Variants in PRKN observed in about 807,000 individuals in gnomAD.
PRKN encodes the protein parkin RBR E3 ubiquitin protein ligase.
In PRKN, 56 loss-of-function variants were observed where a neutral mutation model predicts 59.5. The observed-to-expected ratio is 0.94, with a 90% CI of 0.76 to 1.18. The LOEUF is 1.18. PRKN is among the 50% of genes most tolerant of loss of function. The pLI is 0.00. For missense variants in PRKN, 657 were observed against 596.4 expected (o/e 1.10, Z -1.06); for synonymous variants, 250 against 222.1 (o/e 1.13, Z -1.12).
chr6:161,804,941 G>C (rs973811315), intron 6 of PRKN, among the ~76,000 whole-genome samples: 2 of 152,182 alleles, frequency 1.3e-5, no homozygotes, highest in Non-Finnish European at 2.9e-5. Context: ...AGATAAGAAA[G>C]TTGGACTATT....
At chr6:162,148,178 A>C (rs1227797941) in intron 4 of PRKN, among the ~76,000 whole-genome samples, 4 of 152,184 alleles carry the variant, frequency 2.6e-5, no homozygotes, top group Non-Finnish European at 5.9e-5. Context: ...AAAAAAATTT[A>C]TCTATAAGTA....
chr6:162,715,275 T>G (rs1168187627), intron 1 of PRKN, among the ~76,000 whole-genome samples: 1 of 152,210 alleles, frequency 6.6e-6, no homozygotes, highest in Non-Finnish European at 1.5e-5. Flanking sequence ...GACAAAGGTC[T>G]TCTCTCCTTT....
At chr6:162,624,785 T>C (rs994359942) in intron 1 of PRKN, among the ~76,000 whole-genome samples, 2 of 152,180 alleles carry the variant, frequency 1.3e-5, no homozygotes, top group African/African-American at 4.8e-5. Flanking sequence ...CCTCCCAAAG[T>C]GCTGGGATTA....
At position 161,414,127 on chromosome 6, in the gene PRKN, G is replaced by A. The variant is rs1473158904; in HGVS notation, c.1084-27250C>T. ...ATTCAGACTTCTCTCTTTCTTTGCT[G>A]CAAATGGCTCTCTGGAGCACAAACT... is the stretch of plus-strand genomic sequence containing the variant. On this transcript the variant is annotated intron_variant, in intron 9 of 11. Transcript: ENST00000366898. This position sits in a 1 kb window ranked among gnomAD's most constrained non-coding sequence, Gnocchi z 5.3. Among the ~76,000 whole-genome samples, 2 of 152,172 alleles carry A rather than the reference G, an allele frequency of 1.3e-5. No homozygotes were observed. Among genetic ancestry groups the A allele is most frequent in the African/African-American group, 4.8e-5 (2 of 41,412 alleles).
At chr6:161,364,811 G>A (rs1785127808) in intron 10 of PRKN, among the ~76,000 whole-genome samples, 2 of 151,848 alleles carry the variant, frequency 1.3e-5, no homozygotes, top group East Asian at 1.9e-4. Context: ...TGGGTGTGGT[G>A]CCCACACTAC....
At chr6:161,793,348 T>C (rs1237022345) in intron 6 of PRKN, among the ~76,000 whole-genome samples, 2 of 152,172 alleles carry the variant, frequency 1.3e-5, no homozygotes, top group Non-Finnish European at 2.9e-5. Context: ...TCTGCTCATG[T>C]TCTCCCTGTT....
intron 6 of PRKN, among the ~76,000 whole-genome samples, chr6:161,855,606 CAAT>C (rs10553219): frequency 0.5 from 75,266 of 151,586 alleles, 18,881 homozygotes; most frequent in East Asian, 0.75. Context: ...ATACTGACAA[CAAT>C]GTTATGCTAT....
chr6:161,365,915 C>G (rs1239446774), intron 10 of PRKN, among the ~76,000 whole-genome samples: 1 of 152,168 alleles, frequency 6.6e-6, no homozygotes, highest in South Asian at 2.1e-4. Flanking sequence ...GGGTTTGATC[C>G]TTAGACTGGA....
intron 1 of PRKN, among the ~76,000 whole-genome samples, chr6:162,626,038 G>A (rs1364196926): frequency 6.6e-6 from 1 of 152,076 alleles, no homozygotes; most frequent in East Asian, 1.9e-4. Flanking sequence ...GTAGAGACTA[G>A]GAAAATCCCC....
At chr6:161,767,698 GTATT>G (rs1365552973) in intron 7 of PRKN, among the ~76,000 whole-genome samples, 1 of 140,842 alleles carries the variant, frequency 7.1e-6, no homozygotes, top group Non-Finnish European at 1.5e-5. Flanking sequence ...GGCTGTTTAG[GTATT>G]TGTAACTATG....
At chr6:161,439,134 T>C (rs1583069048) in intron 9 of PRKN, among the ~76,000 whole-genome samples, 1 of 152,184 alleles carries the variant, frequency 6.6e-6, no homozygotes, top group East Asian at 1.9e-4. Context: ...GTCCCAGGTG[T>C]AACCCGGAGG....
At chr6:162,583,812 C>A (rs1291070044) in intron 1 of PRKN, among the ~76,000 whole-genome samples, 1 of 152,134 alleles carries the variant, frequency 6.6e-6, no homozygotes, top group Non-Finnish European at 1.5e-5. Flanking sequence ...ATAAAACAAC[C>A]CTCAGAAAAG....
At chr6:161,810,707 ACTT>A (rs1296730210) in intron 6 of PRKN, among the ~76,000 whole-genome samples, 1 of 152,236 alleles carries the variant, frequency 6.6e-6, no homozygotes, top group African/African-American at 2.4e-5. Context: ...TCATGTATTT[ACTT>A]CTTATTAGAC....
chr6:161,505,731 G>A, intron 9 of PRKN, among the ~76,000 whole-genome samples: 1 of 70,978 alleles, frequency 1.4e-5, no homozygotes, highest in Non-Finnish European at 3.0e-5. Context: ...TCCAGTTTCA[G>A]CTTTCTACAT....
chr6:162,668,975 T>C (rs1281966446), intron 1 of PRKN, among the ~76,000 whole-genome samples: 1 of 152,162 alleles, frequency 6.6e-6, no homozygotes, highest in Non-Finnish European at 1.5e-5. Flanking sequence ...CATTTTGAGA[T>C]AGACACAATG....
At chr6:162,643,930 G>A (rs1778065176) in intron 1 of PRKN, 1 of 152,074 alleles carries the variant, frequency 6.6e-6, no homozygotes, top group South Asian at 2.1e-4. Context: ...AACACTGTCT[G>A]CAGCAGATTA....
chr6:161,601,850 G>A (rs1352738105), intron 7 of PRKN, among the ~76,000 whole-genome samples: 1 of 152,114 alleles, frequency 6.6e-6, no homozygotes, highest in Non-Finnish European at 1.5e-5. Context: ...CCAAAGTGCT[G>A]GGATTACAGG....
intron 1 of PRKN, among the ~76,000 whole-genome samples, chr6:162,492,244 C>T (rs1321648975): frequency 1.3e-5 from 2 of 152,172 alleles, no homozygotes; most frequent in East Asian, 1.9e-4. Flanking sequence ...ACCTGAAAGA[C>T]GAAGGGGAAA....
rs1554298124 is a variant in PRKN, at chr6:162,307,411, A to AAAC, written c.172-44647_172-44646insGTT. ...AGACACCGTCTCAATAAAAAAAAAA[A>AAAC]AAAAAAACACCAACTAGATATAACT... On this transcript the variant is annotated intron_variant, in intron 2 of 11. Transcript: ENST00000366898. Among the ~76,000 whole-genome samples the AAAC allele has an allele frequency of 3.5e-3, 530 of 151,464 alleles. 7 individuals carry two copies. The highest frequency in any genetic ancestry group is 0.013 in the African/African-American group (514 of 41,046).
Sources: allele counts gnomAD v4.1 joint callset (sites outside exome capture counted in the v4.1 genomes callset), GRCh38; gene constraint gnomAD v4.1.1; non-coding constraint Gnocchi (gnomAD v3.1); transcripts MANE v1.5; gene names NCBI Gene and HGNC (gene_info 2026-07-23, HGNC 2026-07-21).